STAM: variants seen among roughly 807,000 people sequenced by gnomAD.
The protein encoded by STAM is signal transducing adaptor molecule, also known as signal transducing adapter molecule 1.
In STAM, 16 loss-of-function variants were observed where a neutral mutation model predicts 63.4. The ratio of observed to expected loss-of-function variants is 0.25; its 90% CI spans 0.17 to 0.38. STAM has a LOEUF of 0.38. Among genes scored for constraint, STAM ranks in the 10% least tolerant of loss-of-function variants. The pLI, the probability that STAM is intolerant of heterozygous loss-of-function variation, is 1.00. For missense variants in STAM, 636 were observed against 657.1 expected (o/e 0.97, Z 0.35); for synonymous variants, 238 against 223.9 (o/e 1.06, Z -0.56).
At chr10:17,648,662 A>G (rs561073963) in intron 1 of STAM, among the ~76,000 whole-genome samples, 2 of 152,202 alleles carry the variant, frequency 1.3e-5, no homozygotes, top group African/African-American at 4.8e-5. Context: ...TTCTTACCTT[A>G]CTTCAGTCAT....
chr10:17,706,877 A>G (rs1836309419), intron 12 of STAM, among the ~76,000 whole-genome samples: 1 of 152,204 alleles, frequency 6.6e-6, no homozygotes, highest in East Asian at 1.9e-4. Flanking sequence ...TTATCCTTAA[A>G]AGGAAAACTT....
intron 1 of STAM, among the ~76,000 whole-genome samples, chr10:17,652,971 C>G (rs1207539575): frequency 6.6e-6 from 1 of 152,182 alleles, no homozygotes; most frequent in Non-Finnish European, 1.5e-5. Context: ...GAGACAGCCT[C>G]TAAATCCTTG....
chr10:17,697,950 C>G (rs1003354701), intron 8 of STAM, among the ~76,000 whole-genome samples: 1 of 151,928 alleles, frequency 6.6e-6, no homozygotes, highest in African/African-American at 2.4e-5. Flanking sequence ...AAATCTTTGT[C>G]CTGGTCATCT....
intron 1 of STAM, among the ~76,000 whole-genome samples, chr10:17,654,444 TATC>T (rs1236371367): frequency 6.6e-6 from 1 of 151,916 alleles, no homozygotes; most frequent in Non-Finnish European, 1.5e-5. Context: ...GGATGGTCTC[TATC>T]TCCTGACCTC....
At chr10:17,667,276 G>A (rs1477672488) in intron 2 of STAM, among the ~76,000 whole-genome samples, 1 of 151,992 alleles carries the variant, frequency 6.6e-6, no homozygotes, top group African/African-American at 2.4e-5. Flanking sequence ...ACAGGTGAAC[G>A]CCACCATGCC....
intron 2 of STAM, among the ~76,000 whole-genome samples, chr10:17,682,897 A>G (rs1248103273): frequency 6.6e-6 from 1 of 151,958 alleles, no homozygotes; most frequent in African/African-American, 2.4e-5. Context: ...TTTCCTTTAT[A>G]TATTTTGAAG....
chr10:17,652,302 A>G (rs1449424330), intron 1 of STAM, among the ~76,000 whole-genome samples: 1 of 152,158 alleles, frequency 6.6e-6, no homozygotes, highest in African/African-American at 2.4e-5. Flanking sequence ...ACTGATTTTG[A>G]TGATTTTGAG....
At position 17,715,775 on chromosome 10, in the gene STAM, C is replaced by G. The variant is rs566727010; in HGVS notation, c.*995C>G. 6.6e-6 allele frequency: 1 copy of G among 152,582 alleles called. No homozygotes were observed. Among genetic ancestry groups the G allele is most frequent in the Non-Finnish European group, 1.5e-5 (1 of 68,010 alleles). The allele number at this position is 152,582 out of a possible 1,614,324, so 9.5% of individuals were successfully genotyped here. On this transcript the variant is annotated 3_prime_UTR_variant, in exon 14 of 14. Transcript: ENST00000377524. ...CTGAATTACACTACATTTTCGAAGT[C>G]TCTTGTAATTATTTGGGATATCAAC...
At chr10:17,679,185 T>C (rs1310769475) in intron 2 of STAM, among the ~76,000 whole-genome samples, 1 of 152,162 alleles carries the variant, frequency 6.6e-6, no homozygotes, top group African/African-American at 2.4e-5. Flanking sequence ...CCACCGGCAA[T>C]GTACAAGGGT....
At chr10:17,657,282 G>A (rs1455944300) in intron 1 of STAM, among the ~76,000 whole-genome samples, 9 of 152,156 alleles carry the variant, frequency 5.9e-5, no homozygotes, top group Non-Finnish European at 7.3e-5. Flanking sequence ...TTTTAGAGAG[G>A]CAATGTGATA....
At chr10:17,703,026 AAGAAAAGAAAAGAAAAG>A (rs1836082380) in intron 9 of STAM, among the ~76,000 whole-genome samples, 1 of 103,322 alleles carries the variant, frequency 9.7e-6, no homozygotes, top group African/African-American at 3.7e-5. Flanking sequence ...AAAAAAAAAA[AAGAAAAGAAAAGAAAAG>A]AAAAGAAAAT....
chr10:17,653,391 C>G (rs1237351593), intron 1 of STAM, among the ~76,000 whole-genome samples: 1 of 152,120 alleles, frequency 6.6e-6, no homozygotes, highest in East Asian at 1.9e-4. Context: ...TTTGATAAAA[C>G]AGGATAAAAA....
Position 17,695,198 on chromosome 10 carries a change from C to G in STAM, c.685C>G (p.Leu229Val), listed in dbSNP as rs1835705760. ...YDFEAAEDNE[L>V]TFKAGEIITV... ...CTTTGAAGCTGCTGAAGACAATGAA[C>G]TTACTTTTAAAGCTGGAGAAATTAT... The change falls in exon 7 of 14, where the codon CTT becomes GTT. Residue 229 changes from leucine (L) to valine (V), a missense_variant. Transcript: ENST00000377524. 1.2e-6 allele frequency: 2 copies of G among 1,613,868 alleles called. No homozygotes were observed. Among genetic ancestry groups the G allele is most frequent in the Non-Finnish European group, 1.7e-6 (2 of 1,179,878 alleles).
intron 6 of STAM, among the ~76,000 whole-genome samples, 154 bp downstream of exon 6, chr10:17,693,466 T>G (rs1835630005): frequency 6.6e-6 from 1 of 152,224 alleles, no homozygotes; most frequent in Non-Finnish European, 1.5e-5. Context: ...TGAGAGGCAA[T>G]TACTGTCACA....
rs571885291 is a variant in STAM, at chr10:17,714,712, C to T, written c.1555C>T (p.Pro519Ser). The change falls in exon 14 of 14, where the codon CCT becomes TCT. Residue 519 changes from proline (P) to serine (S), a missense_variant. Pro to Ser is a moderately conservative substitution (Grantham distance 74). Transcript: ENST00000377524. ...PNYNLTSSTL[P>S]QPGGSQQPPQ... ...CTATAACTTAACATCATCAACTCTG[C>T]CTCAGCCCGGAGGCAGCCAACAGCC... 3 of 1,614,158 alleles carry T rather than the reference C, an allele frequency of 1.9e-6. No individual in the cohort carries two copies. Among genetic ancestry groups the T allele is most frequent in the South Asian group, 2.2e-5 (2 of 91,068 alleles).
At position 17,696,784 on chromosome 10, in the gene STAM, C is replaced by T. The variant is rs1242512975; in HGVS notation, c.738C>T (p.Asn246=). Residue 246 remains asparagine (N), a synonymous_variant, in exon 8 of 14, where the codon AAC becomes AAT. Coordinates refer to ENST00000377524, the MANE Select transcript of STAM (RefSeq NM_003473.4). ...TTTTTGTTTGTCATAGTGATCCTAA[C>T]TGGTGGAAAGGTGAAACCCATCAAG... ...IITVLDDSDP[N]WWKGETHQGI... is the part of the protein sequence containing the mutation. 1 of 1,612,296 alleles carries T rather than the reference C, an allele frequency of 6.2e-7. No homozygotes were observed. The highest frequency in any genetic ancestry group is 2.2e-5 in the East Asian group (1 of 44,870).
intron 2 of STAM, among the ~76,000 whole-genome samples, chr10:17,662,808 C>T (rs921304238): frequency 6.6e-6 from 1 of 152,148 alleles, no homozygotes. Context: ...ATAACAGTAC[C>T]TGGCACATGG....
At chr10:17,666,636 A>G (rs1038788388) in intron 2 of STAM, among the ~76,000 whole-genome samples, 1 of 151,962 alleles carries the variant, frequency 6.6e-6, no homozygotes, top group Non-Finnish European at 1.5e-5. Context: ...TGACCTTGTG[A>G]TCTGCCCGCC....
rs1834977605 is a variant in STAM at position 17,679,171 on chromosome 10, A to G, written c.126-5504A>G. 3.9e-5 allele frequency among the ~76,000 whole-genome samples: 6 copies of G among 152,174 alleles called. No individual in the cohort carries two copies. The South Asian group carries it at 1.0e-3, about 26-fold the overall frequency. ...TTTCACAGTAGCTACACCATTTTAC[A>G]TTCCCACCGGCAATGTACAAGGGTT... On this transcript the variant is annotated intron_variant, in intron 2 of 13. Transcript: ENST00000377524.
Sources: allele counts gnomAD v4.1 joint callset (sites outside exome capture counted in the v4.1 genomes callset), GRCh38; gene constraint gnomAD v4.1.1; transcripts MANE v1.5; gene names NCBI Gene and HGNC (gene_info 2026-07-23, HGNC 2026-07-21).